Variants in RUFY2 observed in about 807,000 individuals in gnomAD.
The protein encoded by RUFY2 is RUN and FYVE domain-containing protein 2.
RUFY2 carries 49 observed loss-of-function variants against 94.4 expected under a neutral mutation model. The observed-to-expected ratio is 0.52, with a 90% CI of 0.41 to 0.66. RUFY2 has a LOEUF of 0.66. RUFY2 is among the 30% of genes least tolerant of loss of function. The pLI is 0.00. For synonymous variants in RUFY2, 255 were observed against 235.7 expected, an observed-to-expected ratio of 1.08 and a Z score of -0.75; for missense variants, 541 against 692.8, an observed-to-expected ratio of 0.78 and a Z score of 2.46.
intron 8 of RUFY2, among the ~76,000 whole-genome samples, chr10:68,385,849 G>C (rs995769156): frequency 6.6e-6 from 1 of 152,064 alleles, no homozygotes; most frequent in Non-Finnish European, 1.5e-5. Flanking sequence ...CTCAAATATA[G>C]TATCTCAGAT....
intron 3 of RUFY2, among the ~76,000 whole-genome samples, chr10:68,398,809 G>A (rs943645253): frequency 4.6e-5 from 7 of 151,582 alleles, no homozygotes; most frequent in African/African-American, 1.2e-4. Flanking sequence ...AATAATTAAC[G>A]CATTTCTTAT....
chr10:68,406,782 T>A, intron 1 of RUFY2: 1 of 1,611,764 alleles, frequency 6.2e-7, no homozygotes. Context: ...GCATTCCCCG[T>A]CTCCCGCCCT....
intron 16 of RUFY2, among the ~76,000 whole-genome samples, chr10:68,350,203 T>C (rs1389420676): frequency 6.6e-6 from 1 of 151,740 alleles, no homozygotes; most frequent in East Asian, 1.9e-4. Context: ...AGAGATGGGG[T>C]TTCACCATGT....
chr10:68,396,708 C>G (rs2050419876), intron 4 of RUFY2, 72 bp downstream of exon 4: 2 of 974,806 alleles, frequency 2.1e-6, no homozygotes, highest in African/African-American at 3.3e-5. Flanking sequence ...CATATTACAT[C>G]TTAAATCCTT....
At chr10:68,385,786 T>C (rs1304040836) in intron 8 of RUFY2, among the ~76,000 whole-genome samples, 1 of 152,158 alleles carries the variant, frequency 6.6e-6, no homozygotes, top group Non-Finnish European at 1.5e-5. Flanking sequence ...GCTTATCTAC[T>C]GAAGAATTTG....
rs560044805 is a variant in RUFY2, at chr10:68,344,418, A to C, written c.*1350T>G. ...GCATGGTTAAAAATTAATGTAAAAA[A>C]TAGGATACTGAATGGTGATAGTGTT... On this transcript the variant is annotated 3_prime_UTR_variant, in exon 18 of 18. Transcript: ENST00000602465. The C allele has an allele frequency of 6.6e-5, 10 of 152,304 alleles. No individual in the cohort carries two copies. The East Asian group carries it at 1.9e-3, about 29-fold the overall frequency. The allele number at this position is 152,304 out of a possible 1,614,324, so 9.4% of individuals were successfully genotyped here.
chr10:68,400,415 G>A (rs762450650), intron 3 of RUFY2, among the ~76,000 whole-genome samples: 2 of 152,010 alleles, frequency 1.3e-5, no homozygotes, highest in Non-Finnish European at 2.9e-5. Context: ...GGTGGCTCAC[G>A]CCTGTAATCC....
At chr10:68,356,123 G>C (rs1273232225) in intron 15 of RUFY2, among the ~76,000 whole-genome samples, 1 of 152,038 alleles carries the variant, frequency 6.6e-6, no homozygotes, top group Non-Finnish European at 1.5e-5. Context: ...GGGGAGCTAG[G>C]ATTCAAACCC....
intron 11 of RUFY2, among the ~76,000 whole-genome samples, chr10:68,379,765 CT>C (rs1479529940): frequency 2.0e-5 from 3 of 151,418 alleles, no homozygotes; most frequent in Non-Finnish European, 4.4e-5. Flanking sequence ...AACAGAGTTA[CT>C]TTATACATTA....
intron 7 of RUFY2, among the ~76,000 whole-genome samples, chr10:68,390,543 A>C (rs1208211982): frequency 6.6e-6 from 1 of 152,206 alleles, no homozygotes; most frequent in African/African-American, 2.4e-5. Flanking sequence ...TGGCTAGTCC[A>C]AATTGAAATG....
At chr10:68,353,479 GAAGC>G (rs1161954606) in intron 16 of RUFY2, among the ~76,000 whole-genome samples, 2 of 151,302 alleles carry the variant, frequency 1.3e-5, no homozygotes, top group Non-Finnish European at 2.9e-5. Flanking sequence ...CCTGGGTGAA[GAAGC>G]AAGACTCCGT....
chr10:68,405,499 G>T (rs2051221506), intron 1 of RUFY2: 17 of 955,894 alleles, frequency 1.8e-5, no homozygotes, highest in Non-Finnish European at 2.1e-5. Context: ...TAAATTTGGG[G>T]TGAGAGACAA....
chr10:68,356,816 T>G (rs1005684363), intron 15 of RUFY2, among the ~76,000 whole-genome samples: 1 of 151,518 alleles, frequency 6.6e-6, no homozygotes, highest in Non-Finnish European at 1.5e-5. Flanking sequence ...CCCAAAGTGC[T>G]GGGACTACAG....
intron 7 of RUFY2, among the ~76,000 whole-genome samples, chr10:68,389,792 C>T (rs2049842623): frequency 6.7e-6 from 1 of 148,832 alleles, no homozygotes. Context: ...GAGCTCTCGT[C>T]TCAAAAAAAA....
At chr10:68,369,923 GT>G (rs2048137876) in intron 13 of RUFY2, among the ~76,000 whole-genome samples, 1 of 152,220 alleles carries the variant, frequency 6.6e-6, no homozygotes, top group East Asian at 1.9e-4. Context: ...TTCCAGAACT[GT>G]AAGAAATAAA....
chr10:68,401,594 G>T, intron 3 of RUFY2, 26 bp downstream of exon 3: 2 of 1,379,468 alleles, frequency 1.4e-6, no homozygotes, highest in Non-Finnish European at 2.1e-6. Context: ...TGTGGCTAGG[G>T]ATGAACAAGT....
chr10:68,393,066 G>T, intron 7 of RUFY2, 72 bp downstream of exon 7: 1 of 726,076 alleles, frequency 1.4e-6, no homozygotes, highest in Non-Finnish European at 2.2e-6. Context: ...AAAGGAATAC[G>T]GTAAGCTGAA....
intron 15 of RUFY2, among the ~76,000 whole-genome samples, chr10:68,357,040 G>A (rs1296537011): frequency 2.0e-5 from 3 of 151,546 alleles, no homozygotes; most frequent in African/African-American, 4.8e-5. Context: ...GGTGAGGGGC[G>A]CCTGTGATCC....
intron 13 of RUFY2, among the ~76,000 whole-genome samples, chr10:68,375,920 A>C (rs2048604125): frequency 6.6e-6 from 1 of 151,570 alleles, no homozygotes; most frequent in Non-Finnish European, 1.5e-5. Context: ...CAACGTCATG[A>C]AACTTTGTCT....
Sources: gnomAD v4.1 joint callset for allele counts (sites outside exome capture counted in the v4.1 genomes callset) on GRCh38, gnomAD v4.1.1 for gene constraint, MANE v1.5 for transcripts, NCBI Gene and HGNC (gene_info 2026-07-23, HGNC 2026-07-21) for gene names.